Variants in STRBP observed in about 807,000 individuals in gnomAD.
STRBP encodes spermatid perinuclear RNA binding protein, also known as spermatid perinuclear RNA-binding protein.
STRBP carries 13 observed loss-of-function variants against 80.1 expected under a neutral mutation model. The observed-to-expected ratio is 0.16, with a 90% CI of 0.11 to 0.26. STRBP has a LOEUF of 0.26. Among genes scored for constraint, STRBP ranks in the 10% least tolerant of loss-of-function variants. The pLI is 1.00. For synonymous variants in STRBP, 284 were observed against 291.2 expected (o/e 0.98, Z 0.25); for missense variants, 485 against 815.2 (o/e 0.59, Z 4.93).
rs181683943 is a variant in STRBP, at chr9:123,167,306, A to T, written c.535+2596T>A. Among the ~76,000 whole-genome samples the T allele has an allele frequency of 2.9e-3, 447 of 152,232 alleles. 2 individuals carry two copies. The highest frequency in any genetic ancestry group is 0.01 in the Middle Eastern group (3 of 294). On this transcript the variant is annotated intron_variant, in intron 6 of 18. Transcript: ENST00000348403. ...GATTTTTTTTTAACTTTGAGAAAAA[A>T]AAAAGTATAAATTAGGAGAAAAAAG...
Position 123,124,007 on chromosome 9 carries a change from C to A in STRBP, c.*1590G>T. ...GGTTTTATTAAAGTATCACCCACCACTAATAAAGACAAAAGACCAAGGAGA... is the reference window on the plus strand; with the variant it reads ...GGTTTTATTAAAGTATCACCCACCAATAATAAAGACAAAAGACCAAGGAGA... On this transcript the variant is annotated 3_prime_UTR_variant, in exon 19 of 19. Coordinates refer to ENST00000348403, the MANE Select transcript of STRBP (RefSeq NM_018387.5). 1.0e-6 allele frequency: 1 copy of A among 985,358 alleles called. No individual in the cohort carries two copies. Among genetic ancestry groups the A allele is most frequent in the Non-Finnish European group, 1.2e-6 (1 of 829,926 alleles). The allele number at this position is 985,358 out of a possible 1,614,324, so 61.0% of individuals were successfully genotyped here.
intron 11 of STRBP, among the ~76,000 whole-genome samples, chr9:123,153,026 G>C (rs1394683109): frequency 6.6e-6 from 1 of 152,052 alleles, no homozygotes; most frequent in African/African-American, 2.4e-5. Context: ...AGTTGAAGAG[G>C]GGTGGTGTTC....
intron 1 of STRBP, among the ~76,000 whole-genome samples, chr9:123,242,185 G>A (rs955709531): frequency 6.6e-6 from 1 of 152,140 alleles, no homozygotes; most frequent in African/African-American, 2.4e-5. Flanking sequence ...CTATTTCAAG[G>A]TCAACCTGTT....
chr9:123,174,153 T>C (rs1588043440), intron 4 of STRBP, among the ~76,000 whole-genome samples: 3 of 152,256 alleles, frequency 2.0e-5, no homozygotes, highest in Admixed American at 2.0e-4. Context: ...AATTTCCTTC[T>C]GGCCAGGTGC....
At chr9:123,140,900 GCTT>G (rs2036566205) in intron 13 of STRBP, among the ~76,000 whole-genome samples, 1 of 152,166 alleles carries the variant, frequency 6.6e-6, no homozygotes, top group Non-Finnish European at 1.5e-5. Context: ...TGATTATACT[GCTT>G]TTTAGATGTT....
chr9:123,122,069 A>T lies in STRBP; in HGVS notation c.*3528T>A, dbSNP rs1282665998. On this transcript the variant is annotated 3_prime_UTR_variant, in exon 19 of 19. Coordinates refer to ENST00000348403, the MANE Select transcript of STRBP (RefSeq NM_018387.5). ...TAACTATTTTACATTTAGACCATAC[A>T]ATTTTTAAAGGTAATGCGATGACAT... 1 of 208,766 alleles carries T rather than the reference A, an allele frequency of 4.8e-6. No individual in the cohort carries two copies. The highest frequency in any genetic ancestry group is 2.4e-5 in the African/African-American group (1 of 42,438). The allele number at this position is 208,766 out of a possible 1,614,324, so 12.9% of individuals were successfully genotyped here.
chr9:123,185,212 CT>C (rs957221634), intron 2 of STRBP, among the ~76,000 whole-genome samples: 5 of 152,038 alleles, frequency 3.3e-5, no homozygotes, highest in African/African-American at 1.2e-4. Context: ...ATAACTTTCT[CT>C]TCATTTAAAT....
At chr9:123,262,723 G>A (rs929974804) in intron 1 of STRBP, among the ~76,000 whole-genome samples, 2 of 152,218 alleles carry the variant, frequency 1.3e-5, no homozygotes, top group African/African-American at 4.8e-5. Flanking sequence ...TCAGCCACAT[G>A]CACATGTGGA....
chr9:123,234,956 A>T (rs902844073), intron 2 of STRBP, among the ~76,000 whole-genome samples: 1 of 144,162 alleles, frequency 6.9e-6, no homozygotes, highest in Non-Finnish European at 1.5e-5. Context: ...AAAAAAGTTT[A>T]AAAAAATTTT....
chr9:123,233,208 G>A (rs1185507476), intron 2 of STRBP, among the ~76,000 whole-genome samples: 1 of 152,094 alleles, frequency 6.6e-6, no homozygotes, highest in East Asian at 1.9e-4. Context: ...CAAGTAGCTG[G>A]ACTACAGGCG....
intron 2 of STRBP, among the ~76,000 whole-genome samples, chr9:123,211,439 T>C (rs1233140408): frequency 6.6e-6 from 1 of 152,104 alleles, no homozygotes; most frequent in African/African-American, 2.4e-5. Context: ...GGGGATAGGA[T>C]GGTTGGGGAA....
intron 13 of STRBP, 22 bp downstream of exon 13, chr9:123,146,833 C>T (rs1048101649): frequency 2.6e-6 from 4 of 1,564,544 alleles, no homozygotes; most frequent in Admixed American, 1.7e-5. Flanking sequence ...GAAAGCATTG[C>T]AAAGTAAAAC....
chr9:123,227,394 G>A (rs2040268837), intron 2 of STRBP, among the ~76,000 whole-genome samples: 1 of 152,044 alleles, frequency 6.6e-6, no homozygotes, highest in Non-Finnish European at 1.5e-5. Context: ...GCAAGGAGGT[G>A]AATGCAGTAA....
chr9:123,235,615 A>T (rs1386335880), intron 2 of STRBP, among the ~76,000 whole-genome samples: 1 of 134,392 alleles, frequency 7.4e-6, no homozygotes, highest in Non-Finnish European at 1.5e-5. Flanking sequence ...AAAAAAAAAA[A>T]AGTTATCCCA....
Position 123,173,700 on chromosome 9 carries a change from C to A in STRBP, c.367G>T (p.Asp123Tyr). The part of the protein sequence containing the change: ...PTETLLNTVK[D>Y]NLPIQIQKLT... ...ACCTGAATCTGAATAGGAAGATTAT[C>A]TTTGACTGTATTTAACAGGGTCTCT... Residue 123 changes from aspartate (D) to tyrosine (Y), a missense_variant, in exon 5 of 19, where the codon GAT (aspartate) becomes TAT (tyrosine). Transcript: ENST00000348403. The A allele has an allele frequency of 1.2e-6, 2 of 1,612,742 alleles. No individual in the cohort carries two copies. Among genetic ancestry groups the A allele is most frequent in the East Asian group, 4.5e-5 (2 of 44,840 alleles).
chr9:123,258,347 C>T (rs1449865340), intron 1 of STRBP, among the ~76,000 whole-genome samples: 2 of 152,070 alleles, frequency 1.3e-5, no homozygotes, highest in East Asian at 3.8e-4. Flanking sequence ...GTAAGGAGAA[C>T]CAGAAATGGA....
intron 16 of STRBP, 147 bp downstream of exon 16, chr9:123,135,894 T>C: frequency 1.1e-6 from 1 of 921,098 alleles, no homozygotes; most frequent in Non-Finnish European, 1.6e-6. Context: ...TTTATATTAT[T>C]CGTGACCTAA....
At chr9:123,252,105 G>A (rs1216160762) in intron 1 of STRBP, among the ~76,000 whole-genome samples, 1 of 151,856 alleles carries the variant, frequency 6.6e-6, no homozygotes, top group African/African-American at 2.4e-5. Context: ...AGGAAAAGTT[G>A]CAGGAAATGG....
At chr9:123,184,856 C>T (rs925734470) in intron 2 of STRBP, among the ~76,000 whole-genome samples, 5 of 152,068 alleles carry the variant, frequency 3.3e-5, no homozygotes, top group African/African-American at 1.2e-4. Context: ...CCCTATTTGT[C>T]CCTGGGCCTG....
Sources: allele counts gnomAD v4.1 joint callset (sites outside exome capture counted in the v4.1 genomes callset), GRCh38; gene constraint gnomAD v4.1.1; transcripts MANE v1.5; gene names NCBI Gene and HGNC (gene_info 2026-07-23, HGNC 2026-07-21).